The following ACSM2B variants were observed in gnomAD, a reference collection of about 807,000 sequenced individuals.
ACSM2B encodes the protein acyl-coenzyme A synthetase ACSM2B, mitochondrial.
A neutral mutation model predicts 78.6 loss-of-function variants in ACSM2B; 58 were observed. The ratio of observed to expected loss-of-function variants is 0.74; its 90% CI spans 0.60 to 0.92. ACSM2B has a LOEUF of 0.92. Ranked by LOEUF, ACSM2B falls within the 40% of genes least tolerant of loss-of-function variation. The probability of loss-of-function intolerance (pLI) is 0.00; values close to 1 mark genes in which losing one functional copy is unlikely to be tolerated. For missense variants in ACSM2B, 688 were observed against 711.2 expected (o/e 0.97, Z 0.37); for synonymous variants, 257 against 256.8 (o/e 1.00, Z -0.01).
At chr16:20,545,740 G>T (rs1424088691) in intron 9 of ACSM2B, among the ~76,000 whole-genome samples, 4 of 152,146 alleles carry the variant, frequency 2.6e-5, no homozygotes, top group Non-Finnish European at 5.9e-5. Flanking sequence ...TTAGCAAATG[G>T]TTATCATAGT....
At chr16:20,570,015 T>A (rs150645513) in intron 1 of ACSM2B, among the ~76,000 whole-genome samples, 59 of 152,008 alleles carry the variant, frequency 3.9e-4, no homozygotes, top group African/African-American at 1.4e-3. Flanking sequence ...ACAGCAACTG[T>A]ATGACTTCCT....
chr16:20,569,826 A>G (rs1280509598), intron 1 of ACSM2B, among the ~76,000 whole-genome samples: 1 of 151,752 alleles, frequency 6.6e-6, no homozygotes, highest in Non-Finnish European at 1.5e-5. Context: ...CAGCTATTAT[A>G]AAAGGGGTTG....
At chr16:20,574,063 T>A (rs1307879968) in intron 1 of ACSM2B, 1 of 152,134 alleles carries the variant, frequency 6.6e-6, no homozygotes, top group African/African-American at 2.4e-5. Flanking sequence ...AATCCTTATC[T>A]CAACCGCATA....
In ACSM2B at chr16:20,570,790, T is replaced by C. The variant is rs12924390; in HGVS notation, c.-9+5417A>G. Among the ~76,000 whole-genome samples, 26 of 152,046 alleles carry C rather than the reference T, an allele frequency of 1.7e-4. No homozygotes were observed. In the South Asian group the frequency reaches 2.3e-3, roughly 13 times the overall value. ...GTTCAGGCTTTCTAATTCTTCCTGA[T>C]TTAAGCTAGGAGGGTTGTATCTTCC... On this transcript the variant is annotated intron_variant, in intron 1 of 13. Transcript: ENST00000329697.
rs184873551 is a variant in ACSM2B at position 20,537,264 on chromosome 16, C to T, written c.1728G>A (p.Ala576=). The change falls in exon 14 of 14, where the codon GCG becomes GCA. Residue 576 remains alanine (A), a synonymous_variant. Coordinates refer to ENST00000329697, the MANE Select transcript of ACSM2B (RefSeq NM_001105069.2). The stretch of plus-strand genomic sequence containing the variant: ...TGAATGTCTCCTAGACGCCTCACTG[C>T]GCACGGGCTTTTCCGGACATCTTCC... ...KEWKMSGKAR[A]Q 94 of 1,613,990 alleles carry T rather than the reference C, an allele frequency of 5.8e-5. 1 individual carries two copies. Among genetic ancestry groups the T allele is most frequent in the Middle Eastern group, 1.7e-4 (1 of 6,060 alleles).
At chr16:20,547,155 A>T in intron 8 of ACSM2B, 2 of 1,018,644 alleles carry the variant, frequency 2.0e-6, no homozygotes, top group Non-Finnish European at 2.4e-6. Context: ...TGTGCTGGAA[A>T]GGGCAAGTTG....
chr16:20,566,516 A>G (rs1165210342), intron 1 of ACSM2B, among the ~76,000 whole-genome samples: 6 of 113,384 alleles, frequency 5.3e-5, no homozygotes, highest in Non-Finnish European at 8.4e-5. Context: ...TATATATTAT[A>G]TTACAAATAT....
intron 12 of ACSM2B, 74 bp from the exon 13 acceptor site, chr16:20,540,847 C>G: frequency 3.2e-6 from 5 of 1,566,778 alleles, no homozygotes; most frequent in Non-Finnish European, 4.4e-6. Flanking sequence ...GTGAAATTAG[C>G]ATTAAGACTT....
intron 1 of ACSM2B, among the ~76,000 whole-genome samples, chr16:20,573,316 C>A (rs2016145336): frequency 6.6e-6 from 1 of 150,894 alleles, no homozygotes; most frequent in African/African-American, 2.4e-5. Context: ...GAGAGCCAAA[C>A]TGTACTGATT....
rs536225109 is a variant in ACSM2B at position 20,538,857 on chromosome 16, C to A, written c.1630-1495G>T. ...CCTGAGACTGTGCTATGCTGCCTCA[C>A]TCTCAGAGGCTGCAAGTCCATGTGG... On this transcript the variant is annotated intron_variant, in intron 13 of 13. Transcript: ENST00000329697. Among the ~76,000 whole-genome samples, 5 of 152,168 alleles carry A rather than the reference C, an allele frequency of 3.3e-5. 1 individual carries two copies. Among genetic ancestry groups the A allele is most frequent in the Non-Finnish European group, 4.4e-5 (3 of 68,022 alleles).
rs549774712 is a variant in ACSM2B at position 20,557,780 on chromosome 16, T to G, written c.388+1457A>C. Among the ~76,000 whole-genome samples the G allele has an allele frequency of 1.6e-4, 24 of 152,300 alleles. No homozygotes were observed. The South Asian group carries it at 3.9e-3, about 25-fold the overall frequency. On this transcript the variant is annotated intron_variant, in intron 3 of 13. Coordinates refer to ENST00000329697, the MANE Select transcript of ACSM2B (RefSeq NM_001105069.2). The stretch of plus-strand genomic sequence containing the variant: ...CACACAGATATCCTTTTAGGTTCTT[T>G]TATAATTTTCAAGCTTCCCTCCCCT...
At chr16:20,548,878 T>G (rs2015223498) in intron 6 of ACSM2B, among the ~76,000 whole-genome samples, 1 of 152,168 alleles carries the variant, frequency 6.6e-6, no homozygotes, top group South Asian at 2.1e-4. Context: ...AGCTTTATAA[T>G]AGATTGTTTC....
At chr16:20,547,469 A>C (rs2015174607) in intron 8 of ACSM2B, 1 of 977,642 alleles carries the variant, frequency 1.0e-6, no homozygotes, top group African/African-American at 1.8e-5. Context: ...AGTAAGAGGC[A>C]CTGGAAAAAG....
chr16:20,545,518 A>T (rs1016242190), intron 9 of ACSM2B, among the ~76,000 whole-genome samples: 54 of 152,318 alleles, frequency 3.5e-4, no homozygotes, highest in African/African-American at 1.3e-3. Flanking sequence ...GAGCTCAGAT[A>T]AAATAATAGC....
At chr16:20,542,200 C>A (rs2015013004) in intron 12 of ACSM2B, 1 of 146,820 alleles carries the variant, frequency 6.8e-6, no homozygotes, top group African/African-American at 2.7e-5. Context: ...GAACTTATTG[C>A]TGCTAACTGT....
At chr16:20,554,672 C>A (rs1041739040) in intron 4 of ACSM2B, among the ~76,000 whole-genome samples, 1 of 152,210 alleles carries the variant, frequency 6.6e-6, no homozygotes, top group Non-Finnish European at 1.5e-5. Flanking sequence ...CCTTGATCAG[C>A]CTCTCTTAGA....
intron 5 of ACSM2B, among the ~76,000 whole-genome samples, chr16:20,552,524 C>T (rs539576701): frequency 5.3e-5 from 8 of 152,198 alleles, no homozygotes; most frequent in East Asian, 1.9e-4. Flanking sequence ...GGTGGGACCC[C>T]AGTTGACATG....
chr16:20,558,714 A>G (rs71384481), intron 3 of ACSM2B, among the ~76,000 whole-genome samples: 28,262 of 147,948 alleles, frequency 0.19, 3,580 homozygotes, highest in East Asian at 0.69. Context: ...TTCTGCAAAG[A>G]GCCAAATAGT....
intron 6 of ACSM2B, chr16:20,550,012 G>A (rs768885970): frequency 1.1e-5 from 3 of 277,216 alleles, no homozygotes; most frequent in Non-Finnish European, 2.1e-5. Flanking sequence ...TTTTTTATCA[G>A]ACTTAAAGTC....
Sources: gnomAD v4.1 joint callset for allele counts (sites outside exome capture counted in the v4.1 genomes callset) on GRCh38, gnomAD v4.1.1 for gene constraint, MANE v1.5 for transcripts, NCBI Gene and HGNC (gene_info 2026-07-23, HGNC 2026-07-21) for gene names.